Variants in C10orf90 observed in about 807,000 individuals in gnomAD.
The protein encoded by C10orf90 is chromosome 10 open reading frame 90, also known as (E2-independent) E3 ubiquitin-conjugating enzyme FATS.
Under a neutral mutation model 62.5 loss-of-function variants are expected in C10orf90, and 56 were observed. The observed-to-expected ratio is 0.90, with a 90% CI of 0.72 to 1.12. The LOEUF (loss-of-function observed/expected upper bound fraction) is 1.12. C10orf90 is among the 50% of genes most tolerant of loss of function. C10orf90 has a pLI of 0.00. For synonymous variants in C10orf90, 386 were observed against 340.4 expected (o/e 1.13, Z -1.47); for missense variants, 970 against 880.4 (o/e 1.10, Z -1.29).
rs200212611 is a variant in C10orf90, at chr10:126,459,059, C to T, written c.2169G>A (p.Thr723=). Residue 723 remains threonine (T), a synonymous_variant, in exon 7 of 10, where the codon ACG becomes ACA. Coordinates refer to ENST00000488181, the MANE Select transcript of C10orf90 (RefSeq NM_001350921.2). ...GCTTACCACTCAGAGGATGGGGAAT[C>T]GTGAACTGCTTCTTGCTGGTGCGGA... ...LPIRTSKKQF[T]IPHPLSDNLF... 31 of 1,612,878 alleles carry T rather than the reference C, an allele frequency of 1.9e-5. No homozygotes were observed. The highest frequency in any genetic ancestry group is 3.3e-5 in the Admixed American group (2 of 59,942).
intron 2 of C10orf90, among the ~76,000 whole-genome samples, chr10:126,528,007 C>T (rs143136430): frequency 8.8e-4 from 134 of 152,192 alleles, no homozygotes; most frequent in Admixed American, 2.0e-3. Flanking sequence ...AAAATAAGTA[C>T]GAGCTCATCA....
intron 2 of C10orf90, among the ~76,000 whole-genome samples, chr10:126,555,212 GT>G (rs1369089057): frequency 3.3e-5 from 5 of 152,134 alleles, no homozygotes; most frequent in African/African-American, 1.2e-4. Context: ...CTGACTTTGG[GT>G]TAACCTTGAA....
chr10:126,663,178 C>A lies in C10orf90; in HGVS notation c.240+7063G>T, dbSNP rs148652068. Among the ~76,000 whole-genome samples, 267 of 152,200 alleles carry A rather than the reference C, an allele frequency of 1.8e-3. 1 individual carries two copies. Among genetic ancestry groups the A allele is most frequent in the African/African-American group, 5.5e-3 (228 of 41,516 alleles). ...AAGGAAGTTATCAGTGAGAAAGCTG[C>A]GGAGGGACAAATGTCTCAATCAGAA... On this transcript the variant is annotated intron_variant, in intron 1 of 9. Transcript: ENST00000488181.
chr10:126,429,750 C>A (rs200131661), intron 8 of C10orf90, 37 bp downstream of exon 8: 4 of 1,596,232 alleles, frequency 2.5e-6, no homozygotes, highest in Admixed American at 1.7e-5. Flanking sequence ...CTACTCCCCC[C>A]ACCAACTTCT....
chr10:126,452,558 A>T (rs1323909749), intron 7 of C10orf90, among the ~76,000 whole-genome samples: 1 of 152,158 alleles, frequency 6.6e-6, no homozygotes, highest in African/African-American at 2.4e-5. Context: ...GGGAAATGTA[A>T]CTCCTCATAA....
chr10:126,529,013 G>C (rs1034520802), intron 2 of C10orf90, among the ~76,000 whole-genome samples: 14 of 152,098 alleles, frequency 9.2e-5, no homozygotes, highest in Non-Finnish European at 2.1e-4. Context: ...ACAAAAACAG[G>C]CTAGTGGAAA....
intron 4 of C10orf90, among the ~76,000 whole-genome samples, chr10:126,480,562 C>G (rs56206733): frequency 6.6e-6 from 1 of 152,230 alleles, no homozygotes; most frequent in East Asian, 1.9e-4. Flanking sequence ...TGAAGGTTGT[C>G]CCCAGGGACT....
chr10:126,496,577 G>C, intron 4 of C10orf90: 8 of 780,068 alleles, frequency 1.0e-5, no homozygotes, highest in Non-Finnish European at 1.2e-5. Context: ...ACAATATTTT[G>C]AGACATTTCC....
chr10:126,430,353 A>G (rs557123611), intron 7 of C10orf90, among the ~76,000 whole-genome samples: 1 of 152,256 alleles, frequency 6.6e-6, no homozygotes, highest in South Asian at 2.1e-4. Flanking sequence ...TAATGTGGGG[A>G]AAGGTAATGA....
intron 4 of C10orf90, among the ~76,000 whole-genome samples, chr10:126,481,422 C>T (rs1197266831): frequency 6.6e-6 from 1 of 152,246 alleles, no homozygotes; most frequent in Non-Finnish European, 1.5e-5. Flanking sequence ...TGACTTATAT[C>T]ATCATTTAAC....
intron 2 of C10orf90, among the ~76,000 whole-genome samples, chr10:126,553,757 A>G (rs760610900): frequency 2.0e-5 from 3 of 152,192 alleles, no homozygotes; most frequent in Admixed American, 6.5e-5. Context: ...TTCCGCAGTG[A>G]TGAAAACACC....
chr10:126,602,138 T>C (rs1399098028), intron 2 of C10orf90, among the ~76,000 whole-genome samples: 2 of 152,152 alleles, frequency 1.3e-5, no homozygotes, highest in Non-Finnish European at 2.9e-5. Flanking sequence ...AACTGTCCTC[T>C]CAATTGCTGG....
At chr10:126,584,875 G>T (rs879803716) in intron 2 of C10orf90, among the ~76,000 whole-genome samples, 6 of 151,940 alleles carry the variant, frequency 3.9e-5, no homozygotes, top group Non-Finnish European at 7.4e-5. Flanking sequence ...GAGCTCCCTG[G>T]ATGTGTTTGA....
intron 7 of C10orf90, among the ~76,000 whole-genome samples, chr10:126,454,533 T>C (rs1263153689): frequency 6.6e-6 from 1 of 150,974 alleles, no homozygotes; most frequent in Non-Finnish European, 1.5e-5. Flanking sequence ...TAAGCTATGG[T>C]TTACCCCTAC....
At chr10:126,531,314 T>C (rs1285141513) in intron 2 of C10orf90, among the ~76,000 whole-genome samples, 1 of 152,130 alleles carries the variant, frequency 6.6e-6, no homozygotes, top group African/African-American at 2.4e-5. Context: ...GTTGTCACCT[T>C]TGTGGGAGAA....
chr10:126,449,074 A>G (rs1048678005), intron 7 of C10orf90, among the ~76,000 whole-genome samples: 2 of 152,214 alleles, frequency 1.3e-5, no homozygotes, highest in African/African-American at 4.8e-5. Context: ...TCAGATAAGA[A>G]CATTTTAAGA....
intron 2 of C10orf90, among the ~76,000 whole-genome samples, chr10:126,612,521 G>GA (rs1296374557): frequency 6.6e-6 from 1 of 152,148 alleles, no homozygotes; most frequent in Non-Finnish European, 1.5e-5. Context: ...CCCCTCCGCT[G>GA]AGGTACCCCA....
At chr10:126,644,642 C>T (rs1421106800) in intron 2 of C10orf90, among the ~76,000 whole-genome samples, 1 of 152,256 alleles carries the variant, frequency 6.6e-6, no homozygotes, top group East Asian at 1.9e-4. Context: ...CTCTAGCCTC[C>T]GGCCAACATG....
intron 4 of C10orf90, among the ~76,000 whole-genome samples, chr10:126,472,575 G>A (rs1343215143): frequency 1.3e-5 from 2 of 152,020 alleles, no homozygotes; most frequent in Non-Finnish European, 1.5e-5. Context: ...TCCTTTCCTG[G>A]CGCCTAGCAG....
Sources: gnomAD v4.1 joint callset for allele counts (sites outside exome capture counted in the v4.1 genomes callset) on GRCh38, gnomAD v4.1.1 for gene constraint, MANE v1.5 for transcripts, NCBI Gene and HGNC (gene_info 2026-07-23, HGNC 2026-07-21) for gene names.